G3BP2: variants seen among roughly 807,000 people sequenced by gnomAD.
G3BP2 encodes the protein G3BP stress granule assembly factor 2, also known as ras GTPase-activating protein-binding protein 2.
Under a neutral mutation model 56.7 loss-of-function variants are expected in G3BP2, and 11 were observed. The ratio of observed to expected loss-of-function variants is 0.19; its 90% CI spans 0.12 to 0.32. The LOEUF is 0.32. G3BP2 is among the 10% of genes least tolerant of loss of function. G3BP2 has a pLI of 1.00. For missense variants in G3BP2, 340 were observed against 610.9 expected, an observed-to-expected ratio of 0.56 and a Z score of 4.67; for synonymous variants, 165 against 191.6, an observed-to-expected ratio of 0.86 and a Z score of 1.15.
chr4:75,669,185 C>T (rs982529254), intron 1 of G3BP2, among the ~76,000 whole-genome samples: 4 of 152,198 alleles, frequency 2.6e-5, no homozygotes, highest in South Asian at 2.1e-4. Context: ...TCTACCTAAA[C>T]GTGTATCTAG....
At chr4:75,721,221 G>C (rs536184557) in intron 2 of G3BP2, among the ~76,000 whole-genome samples, 1 of 146,938 alleles carries the variant, frequency 6.8e-6, no homozygotes, top group South Asian at 2.2e-4. Context: ...GATTACAGGC[G>C]TGAGCCACCT....
chr4:75,702,049 TA>T (rs1263345344), intron 3 of G3BP2, among the ~76,000 whole-genome samples: 1 of 152,042 alleles, frequency 6.6e-6, no homozygotes, highest in Non-Finnish European at 1.5e-5. Context: ...ATACCACACC[TA>T]AACAGATATT....
chr4:75,658,373 T>C (rs1578393146), intron 3 of G3BP2, among the ~76,000 whole-genome samples: 1 of 152,018 alleles, frequency 6.6e-6, no homozygotes, highest in South Asian at 2.1e-4. Context: ...CTATTGACAA[T>C]TTATGCTGAC....
intron 3 of G3BP2, among the ~76,000 whole-genome samples, chr4:75,716,625 C>G (rs1393425834): frequency 6.6e-6 from 1 of 152,206 alleles, no homozygotes; most frequent in Non-Finnish European, 1.5e-5. Context: ...AAGCGATTCT[C>G]CTGCCTCAGC....
intron 3 of G3BP2, among the ~76,000 whole-genome samples, chr4:75,681,776 G>A (rs1734082911): frequency 1.3e-5 from 2 of 150,926 alleles, no homozygotes; most frequent in South Asian, 2.1e-4. Flanking sequence ...TTGAACCCAG[G>A]AGGCGGAGGT....
chr4:75,654,201 C>T, intron 7 of G3BP2, 120 bp from the exon 8 acceptor site: 1 of 562,242 alleles, frequency 1.8e-6, no homozygotes, highest in Non-Finnish European at 3.2e-6. Flanking sequence ...TATTGGAAGA[C>T]TCCTAAAAGA....
At chr4:75,667,305 AG>A (rs1336567706) in intron 1 of G3BP2, among the ~76,000 whole-genome samples, 3 of 147,524 alleles carry the variant, frequency 2.0e-5, no homozygotes, top group Admixed American at 6.8e-5. Flanking sequence ...AAAAAAAAAA[AG>A]ATAGCCAAGA....
intron 1 of G3BP2, among the ~76,000 whole-genome samples, chr4:75,672,269 T>C (rs765156824): frequency 6.6e-6 from 1 of 152,176 alleles, no homozygotes; most frequent in Admixed American, 6.5e-5. Flanking sequence ...CAGGAAATTA[T>C]AGACGAAAAT....
chr4:75,647,487 G>C lies in G3BP2; in HGVS notation c.929-330C>G, dbSNP rs1731317683. On this transcript the variant is annotated intron_variant, in intron 9 of 11. Transcript: ENST00000359707. ...AGGAACCAAGCAGATTTCAGATAGTGAGGTATAGCTTACTAAATATTTGCT... is the reference window on the plus strand; with the variant it reads ...AGGAACCAAGCAGATTTCAGATAGTCAGGTATAGCTTACTAAATATTTGCT... Among the ~76,000 whole-genome samples the C allele has an allele frequency of 7.8e-5, 3 of 38,370 alleles. No individual in the cohort carries two copies. The East Asian group carries it at 3.2e-3, about 41-fold the overall frequency. 25.2% of individuals were successfully genotyped at this position (38,370 alleles called of 152,430 possible).
intron 7 of G3BP2, 124 bp from the exon 8 acceptor site, chr4:75,654,205 TA>T: frequency 1.8e-6 from 1 of 556,170 alleles, no homozygotes; most frequent in East Asian, 2.9e-5. Context: ...GGAAGACTCC[TA>T]AAAGAAAGGC....
In G3BP2 at chr4:75,654,406, T is replaced by G. The variant is rs111619220; in HGVS notation, c.727-325A>C. Among the ~76,000 whole-genome samples the G allele has an allele frequency of 5.8e-3, 882 of 152,294 alleles. 12 individuals carry two copies. Among genetic ancestry groups the G allele is most frequent in the African/African-American group, 0.02 (847 of 41,558 alleles). On this transcript the variant is annotated intron_variant, in intron 7 of 11. Transcript: ENST00000359707. ...CTGAACCTAATAGAAACAATTTATT[T>G]CCCCTTTGGGGGTAAGATAGGGTGT...
At chr4:75,673,593 GC>G, upstream of G3BP2, 1 of 1,231,890 alleles carries the variant, frequency 8.1e-7, no homozygotes, top group Non-Finnish European at 1.0e-6. Flanking sequence ...CGCCCGGAAA[GC>G]CGGGGAACCG....
At chr4:75,658,300 T>TA in intron 3 of G3BP2, among the ~76,000 whole-genome samples, 1 of 152,194 alleles carries the variant, frequency 6.6e-6, no homozygotes, top group East Asian at 1.9e-4. Context: ...TAACACCATG[T>TA]TTCATACAAA....
chr4:75,659,568 A>G (rs1410992231), intron 2 of G3BP2, among the ~76,000 whole-genome samples: 1 of 152,196 alleles, frequency 6.6e-6, no homozygotes, highest in East Asian at 1.9e-4. Context: ...AAGCTCAAAG[A>G]TGTGAAGCTA....
intron 1 of G3BP2, among the ~76,000 whole-genome samples, chr4:75,665,336 T>C (rs1297605673): frequency 6.6e-6 from 1 of 152,218 alleles, no homozygotes; most frequent in Non-Finnish European, 1.5e-5. Context: ...AAATAGTTAA[T>C]TCACAAAGAG....
At chr4:75,708,529 A>G (rs1006765596) in intron 3 of G3BP2, among the ~76,000 whole-genome samples, 2 of 152,224 alleles carry the variant, frequency 1.3e-5, no homozygotes, top group African/African-American at 4.8e-5. Flanking sequence ...CCACAGCCTT[A>G]AAGGGGGAAG....
At chr4:75,702,442 C>A (rs190558278) in intron 3 of G3BP2, among the ~76,000 whole-genome samples, 1 of 152,178 alleles carries the variant, frequency 6.6e-6, no homozygotes, top group African/African-American at 2.4e-5. Context: ...CACGCCTGGA[C>A]CCCCGAATTC....
At chr4:75,704,396 C>T (rs1719464282) in intron 3 of G3BP2, among the ~76,000 whole-genome samples, 1 of 151,716 alleles carries the variant, frequency 6.6e-6, no homozygotes, top group Non-Finnish European at 1.5e-5. Context: ...TGGCTCACTG[C>T]AGCTTGGAAC....
At chr4:75,672,692 C>G (rs948066461) in intron 1 of G3BP2, 1 of 152,198 alleles carries the variant, frequency 6.6e-6, no homozygotes, top group African/African-American at 2.4e-5. Flanking sequence ...GCTTCTGCCT[C>G]CGTCGACACA....
Sources: allele counts gnomAD v4.1 joint callset (sites outside exome capture counted in the v4.1 genomes callset), GRCh38; gene constraint gnomAD v4.1.1; transcripts MANE v1.5; gene names NCBI Gene and HGNC (gene_info 2026-07-23, HGNC 2026-07-21).